The following RBMS3 variants were observed in gnomAD, a reference collection of about 807,000 sequenced individuals.
The protein encoded by RBMS3 is RNA binding motif single stranded interacting protein 3, also known as RNA-binding motif, single-stranded-interacting protein 3.
In RBMS3, 27 loss-of-function variants were observed where a neutral mutation model predicts 66.8. The observed-to-expected ratio is 0.40, with a 90% CI of 0.30 to 0.56. RBMS3 has a LOEUF of 0.56. RBMS3 is among the 20% of genes least tolerant of loss of function. The probability of loss-of-function intolerance (pLI) is 0.40; values close to 1 mark genes in which losing one functional copy is unlikely to be tolerated. For missense variants in RBMS3, 513 were observed against 549.5 expected, an observed-to-expected ratio of 0.93 and a Z score of 0.66; for synonymous variants, 188 against 183.0, an observed-to-expected ratio of 1.03 and a Z score of -0.22.
At chr3:29,722,003 A>C (rs1397901095) in intron 4 of RBMS3, among the ~76,000 whole-genome samples, 3 of 152,162 alleles carry the variant, frequency 2.0e-5, no homozygotes, top group Admixed American at 1.3e-4. Context: ...TTAATTGTGC[A>C]ATATTAGGAG....
intron 10 of RBMS3, among the ~76,000 whole-genome samples, chr3:29,922,389 A>G (rs1371083522): frequency 8.6e-5 from 13 of 150,300 alleles, no homozygotes; most frequent in Non-Finnish European, 1.6e-4. Context: ...CGGGAGGCTG[A>G]GGCAGGAGAA....
At chr3:29,744,673 A>AC (rs1181963705) in intron 5 of RBMS3, among the ~76,000 whole-genome samples, 1 of 151,694 alleles carries the variant, frequency 6.6e-6, no homozygotes, top group Admixed American at 6.6e-5. Context: ...AATCCGAGCT[A>AC]CTCGGGAGGC....
At chr3:29,610,511 C>G (rs1424561514) in intron 4 of RBMS3, among the ~76,000 whole-genome samples, 1 of 151,976 alleles carries the variant, frequency 6.6e-6, no homozygotes, top group African/African-American at 2.4e-5. Context: ...CTTCTTTGAG[C>G]CTTCCTTGAT....
intron 14 of RBMS3, 69 bp downstream of exon 14, chr3:29,991,278 A>G (rs1419798616): frequency 1.2e-6 from 2 of 1,602,728 alleles, no homozygotes; most frequent in Admixed American, 1.7e-5. Flanking sequence ...CTCATGTTGT[A>G]TGTGTTAGCT....
At chr3:29,648,764 AG>A in intron 4 of RBMS3, among the ~76,000 whole-genome samples, 1 of 152,164 alleles carries the variant, frequency 6.6e-6, no homozygotes, top group East Asian at 1.9e-4. Context: ...CTTGTAAAAA[AG>A]CTTACCCCCG....
intron 6 of RBMS3, among the ~76,000 whole-genome samples, chr3:29,816,269 T>TC (rs2057894023): frequency 6.7e-6 from 1 of 148,250 alleles, no homozygotes; most frequent in Non-Finnish European, 1.5e-5. Context: ...GTCATGTGCA[T>TC]CCCCCTGTGC....
At chr3:29,546,777 T>G (rs1341665965) in intron 3 of RBMS3, among the ~76,000 whole-genome samples, 2 of 152,148 alleles carry the variant, frequency 1.3e-5, no homozygotes, top group Non-Finnish European at 2.9e-5. Context: ...TAGACTCATT[T>G]CACCTTGGAA....
intron 3 of RBMS3, among the ~76,000 whole-genome samples, chr3:29,560,407 A>G (rs769634992): frequency 6.6e-6 from 1 of 152,204 alleles, no homozygotes. Flanking sequence ...GAAATATTTG[A>G]TAACTTAGCA....
At chr3:29,636,966 T>G (rs542072845) in intron 4 of RBMS3, among the ~76,000 whole-genome samples, 1 of 151,992 alleles carries the variant, frequency 6.6e-6, no homozygotes, top group South Asian at 2.1e-4. Flanking sequence ...CAACATATCA[T>G]GTATGTGTGA....
At chr3:29,400,566 A>T (rs1328314205) in intron 1 of RBMS3, among the ~76,000 whole-genome samples, 2 of 151,942 alleles carry the variant, frequency 1.3e-5, no homozygotes. Context: ...AATGGCTGAC[A>T]TGGTAGATTT....
At chr3:29,583,627 C>T (rs1055740448) in intron 3 of RBMS3, among the ~76,000 whole-genome samples, 1 of 152,048 alleles carries the variant, frequency 6.6e-6, no homozygotes, top group African/African-American at 2.4e-5. Context: ...GGGGAGGATC[C>T]TTGTCTGGCG....
At chr3:29,390,456 A>T (rs2039237759) in intron 1 of RBMS3, among the ~76,000 whole-genome samples, 1 of 152,166 alleles carries the variant, frequency 6.6e-6, no homozygotes, top group African/African-American at 2.4e-5. Context: ...GATGCTTTTG[A>T]TTATAATATA....
At chr3:29,674,903 C>T (rs2051174817) in intron 4 of RBMS3, among the ~76,000 whole-genome samples, 1 of 152,160 alleles carries the variant, frequency 6.6e-6, no homozygotes, top group African/African-American at 2.4e-5. Context: ...GAAAAAACTA[C>T]TTTAAAGTTC....
intron 3 of RBMS3, among the ~76,000 whole-genome samples, chr3:29,517,271 A>ATGTGTGTGTG (rs58702096): frequency 0.017 from 2,207 of 129,572 alleles, 57 homozygotes; most frequent in Admixed American, 0.07. Context: ...GATTTCATAT[A>ATGTGTGTGTG]TGTGTGTGTG....
intron 6 of RBMS3, among the ~76,000 whole-genome samples, chr3:29,811,078 T>A (rs901886480): frequency 6.6e-6 from 1 of 152,168 alleles, no homozygotes; most frequent in Non-Finnish European, 1.5e-5. Context: ...TAAATTTAAG[T>A]CTAAATCCTG....
At chr3:29,422,848 T>C (rs2040807261) in intron 1 of RBMS3, among the ~76,000 whole-genome samples, 1 of 152,138 alleles carries the variant, frequency 6.6e-6, no homozygotes, top group Admixed American at 6.5e-5. Flanking sequence ...AACATTGTCT[T>C]CTTGAGGAAA....
chr3:29,473,493 G>A lies in RBMS3; in HGVS notation c.249-14948G>A, dbSNP rs530650388. Among the ~76,000 whole-genome samples, 185 of 152,320 alleles carry A rather than the reference G, an allele frequency of 1.2e-3. 1 individual carries two copies. Among genetic ancestry groups the A allele is most frequent in the African/African-American group, 4.3e-3 (179 of 41,582 alleles). The stretch of plus-strand genomic sequence containing the variant: ...AGGTGGAGCTGCCTGCCAGTCCCGC[G>A]CCGTGCGCCTGCACTCCTCAGCCCT... On this transcript the variant is annotated intron_variant, in intron 2 of 14. Transcript: ENST00000383767.
intron 4 of RBMS3, among the ~76,000 whole-genome samples, chr3:29,624,845 T>C (rs1379486293): frequency 6.6e-6 from 1 of 152,158 alleles, no homozygotes; most frequent in Non-Finnish European, 1.5e-5. Flanking sequence ...GAAAGGAATG[T>C]ATCTCTTGGT....
Position 29,502,229 on chromosome 3 carries a change from A to G in RBMS3, c.307+13730A>G, listed in dbSNP as rs139837583. Among the ~76,000 whole-genome samples the G allele has an allele frequency of 5.1e-3, 772 of 152,208 alleles. 6 individuals are homozygous for G. The highest frequency in any genetic ancestry group is 0.018 in the African/African-American group (740 of 41,542). ...TAGCCTATACCATTGTTGAATGGAC[A>G]TCAAGTAACTAACAAAATTATTATT... On this transcript the variant is annotated intron_variant, in intron 3 of 14. Coordinates refer to ENST00000383767, the MANE Select transcript of RBMS3 (RefSeq NM_001003793.3).
Sources: gnomAD v4.1 joint callset for allele counts (sites outside exome capture counted in the v4.1 genomes callset) on GRCh38, gnomAD v4.1.1 for gene constraint, MANE v1.5 for transcripts, NCBI Gene and HGNC (gene_info 2026-07-23, HGNC 2026-07-21) for gene names.